Variants in CAMK1D observed in about 807,000 individuals in gnomAD.
CAMK1D encodes the protein calcium/calmodulin-dependent protein kinase type 1D.
In CAMK1D, 9 loss-of-function variants were observed where a neutral mutation model predicts 47.7. That is an observed-to-expected ratio of 0.19 (90% CI 0.11 to 0.33). The LOEUF (loss-of-function observed/expected upper bound fraction) is 0.33, where lower values mean the gene tolerates loss of function less well. Among genes scored for constraint, CAMK1D ranks in the 10% least tolerant of loss-of-function variants. The pLI is 1.00. For synonymous variants in CAMK1D, 184 were observed against 184.9 expected (o/e 0.99, Z 0.04); for missense variants, 291 against 488.7 (o/e 0.60, Z 3.81).
At chr10:12,496,568 A>T (rs1490307042) in intron 1 of CAMK1D, among the ~76,000 whole-genome samples, 12 of 152,192 alleles carry the variant, frequency 7.9e-5, no homozygotes, top group Non-Finnish European at 1.8e-4. Context: ...TATGGCCTCC[A>T]TTCTGAGGGA....
intron 1 of CAMK1D, among the ~76,000 whole-genome samples, chr10:12,549,099 G>A (rs1253345174): frequency 1.3e-5 from 2 of 150,550 alleles, no homozygotes; most frequent in East Asian, 4.0e-4. Context: ...CAAGTGGTCT[G>A]CCCGCCTTGG....
chr10:12,823,647 C>G (rs1833094432), intron 8 of CAMK1D, among the ~76,000 whole-genome samples: 1 of 151,774 alleles, frequency 6.6e-6, no homozygotes, highest in Non-Finnish European at 1.5e-5. Flanking sequence ...AGGCCAGGAG[C>G]AAACCTAAGT....
At chr10:12,414,913 GTTTC>G (rs1274418772) in intron 1 of CAMK1D, among the ~76,000 whole-genome samples, 1 of 152,072 alleles carries the variant, frequency 6.6e-6, no homozygotes, top group African/African-American at 2.4e-5. Flanking sequence ...TGGAGAGTGA[GTTTC>G]TTTTCTGTTT....
chr10:12,571,453 C>CAAAAAA (rs766454210), intron 2 of CAMK1D, among the ~76,000 whole-genome samples: 5 of 89,676 alleles, frequency 5.6e-5, no homozygotes, highest in East Asian at 3.2e-4. Context: ...GACTCCATCA[C>CAAAAAA]AAAAAAAAAA....
chr10:12,692,803 A>T (rs886737133), intron 3 of CAMK1D, among the ~76,000 whole-genome samples: 7 of 152,220 alleles, frequency 4.6e-5, no homozygotes, highest in African/African-American at 1.4e-4. Context: ...AAAGAAATTC[A>T]TTGATTCTCT....
chr10:12,378,744 A>G (rs900887368), intron 1 of CAMK1D, among the ~76,000 whole-genome samples: 4 of 151,244 alleles, frequency 2.6e-5, no homozygotes, highest in African/African-American at 9.7e-5. Flanking sequence ...TTTACTGGAC[A>G]CTTGCAAGGT....
At chr10:12,730,147 A>T (rs1332593492) in intron 3 of CAMK1D, among the ~76,000 whole-genome samples, 2 of 152,178 alleles carry the variant, frequency 1.3e-5, no homozygotes. Flanking sequence ...TGACCCAGTG[A>T]CCGAGGGACC....
intron 1 of CAMK1D, among the ~76,000 whole-genome samples, chr10:12,379,291 C>T (rs924758131): frequency 2.0e-5 from 3 of 152,128 alleles, no homozygotes; most frequent in Admixed American, 6.6e-5. Context: ...GACTGCTCAC[C>T]AGGGATCTGT....
intron 5 of CAMK1D, among the ~76,000 whole-genome samples, chr10:12,784,525 A>G (rs549225932): frequency 2.0e-5 from 3 of 151,692 alleles, no homozygotes; most frequent in Admixed American, 2.0e-4. Flanking sequence ...GGAGAGCAAC[A>G]TGAGTGACAA....
intron 5 of CAMK1D, among the ~76,000 whole-genome samples, chr10:12,782,980 AGTTTTTTTTTTTTTT>A (rs1005713577): frequency 7.3e-6 from 1 of 136,604 alleles, no homozygotes; most frequent in Non-Finnish European, 1.6e-5. Context: ...CAGTATTTTC[AGTTTTTTTTTTTTTT>A]GTTTTTTTTT....
In CAMK1D at chr10:12,547,647, C is replaced by CCCCCCG. The variant is rs1409042962; in HGVS notation, c.93-5576_93-5575insCCCGCC. ...TTTCCTGTCACGAGGACACCCCCCC[C>CCCCCCG]CCAACCCTGCACTCTCTCTCTCTCT... On this transcript the variant is annotated intron_variant, in intron 1 of 10. Transcript: ENST00000619168. Among the ~76,000 whole-genome samples the CCCCCCG allele has an allele frequency of 2.3e-3, 258 of 112,300 alleles. 3 individuals carry two copies. The highest frequency in any genetic ancestry group is 0.012 in the South Asian group (36 of 2,954). The allele number at this position is 112,300 out of a possible 152,430, so 73.7% of individuals were successfully genotyped here.
chr10:12,386,893 T>C (rs994692604), intron 1 of CAMK1D, among the ~76,000 whole-genome samples: 1 of 152,072 alleles, frequency 6.6e-6, no homozygotes, highest in African/African-American at 2.4e-5. Context: ...ATAATAATAA[T>C]GTAGAACTAC....
chr10:12,536,730 G>C (rs1161819140), intron 1 of CAMK1D, among the ~76,000 whole-genome samples: 3 of 152,154 alleles, frequency 2.0e-5, no homozygotes, highest in African/African-American at 7.2e-5. Flanking sequence ...TGGTGTGGCT[G>C]TTTGTGTTTT....
chr10:12,562,041 AT>A (rs1477577257), intron 2 of CAMK1D, among the ~76,000 whole-genome samples: 2 of 152,060 alleles, frequency 1.3e-5, no homozygotes, highest in East Asian at 3.9e-4. Flanking sequence ...GTCTTATTCC[AT>A]TTTCTGTTGC....
intron 3 of CAMK1D, among the ~76,000 whole-genome samples, chr10:12,727,938 G>A (rs1236650925): frequency 1.3e-5 from 2 of 152,026 alleles, no homozygotes; most frequent in East Asian, 1.9e-4. Context: ...GCTGATTTTT[G>A]TATTTTTAGT....
intron 1 of CAMK1D, among the ~76,000 whole-genome samples, chr10:12,351,925 G>C (rs1247977985): frequency 6.6e-6 from 1 of 152,180 alleles, no homozygotes; most frequent in Non-Finnish European, 1.5e-5. Context: ...AAGAATGATA[G>C]AAACAGTGTG....
intron 1 of CAMK1D, among the ~76,000 whole-genome samples, chr10:12,511,012 C>G (rs1256051301): frequency 6.6e-6 from 1 of 152,180 alleles, no homozygotes; most frequent in Non-Finnish European, 1.5e-5. Context: ...TTGACCTCCA[C>G]TTTTCATTCT....
chr10:12,762,666 T>C (rs189930639), intron 4 of CAMK1D, among the ~76,000 whole-genome samples: 201 of 152,316 alleles, frequency 1.3e-3, no homozygotes, highest in Non-Finnish European at 2.2e-3. Context: ...GGAAAACCAC[T>C]GGGCGAGGAT....
chr10:12,440,091 T>G (rs537979484), intron 1 of CAMK1D, among the ~76,000 whole-genome samples: 1 of 152,220 alleles, frequency 6.6e-6, no homozygotes, highest in Admixed American at 6.5e-5. Flanking sequence ...GAGATTTGGG[T>G]GGGGACACAG....
Sources: allele counts gnomAD v4.1 joint callset (sites outside exome capture counted in the v4.1 genomes callset), GRCh38; gene constraint gnomAD v4.1.1; transcripts MANE v1.5; gene names NCBI Gene and HGNC (gene_info 2026-07-23, HGNC 2026-07-21).